Variants in SLC11A2 observed in about 807,000 individuals in gnomAD.
SLC11A2 encodes the protein solute carrier family 11 member 2, also known as natural resistance-associated macrophage protein 2.
A neutral mutation model predicts 68.0 loss-of-function variants in SLC11A2; 38 were observed. The ratio of observed to expected loss-of-function variants is 0.56; its 90% CI spans 0.43 to 0.73. The LOEUF (loss-of-function observed/expected upper bound fraction) is 0.73. SLC11A2 is among the 30% of genes least tolerant of loss of function. SLC11A2 has a pLI of 0.00. For synonymous variants in SLC11A2, 242 were observed against 250.6 expected, an observed-to-expected ratio of 0.97 and a Z score of 0.32; for missense variants, 517 against 690.5, an observed-to-expected ratio of 0.75 and a Z score of 2.82.
intron 2 of SLC11A2, among the ~76,000 whole-genome samples, chr12:51,008,858 A>G (rs1942968740): frequency 6.6e-6 from 1 of 151,838 alleles, no homozygotes; most frequent in African/African-American, 2.4e-5. Context: ...TAAAAAAGTT[A>G]TCTCCCTCCC....
chr12:50,961,014 A>G, the SLC11A2 span: 6 of 1,610,380 alleles, frequency 3.7e-6, no homozygotes, highest in South Asian at 4.4e-5. Flanking sequence ...TTTACAAGCT[A>G]AAGTACAGAA....
At chr12:50,981,779 G>A (rs749549333), downstream of SLC11A2, 1 of 1,533,760 alleles carries the variant, frequency 6.5e-7, no homozygotes, top group South Asian at 1.2e-5. Flanking sequence ...TAGAGTTCAG[G>A]CTGAGCTGTC....
At chr12:51,010,817 G>A (rs1592407118) in intron 1 of SLC11A2, 51 bp from the exon 2 acceptor site, 1 of 999,174 alleles carries the variant, frequency 1.0e-6, no homozygotes, top group Non-Finnish European at 1.6e-6. Context: ...AAACTAACAA[G>A]TTCAGAACCA....
intron 1 of SLC11A2, among the ~76,000 whole-genome samples, chr12:51,019,985 G>A (rs1943928215): frequency 6.6e-6 from 1 of 152,050 alleles, no homozygotes; most frequent in Non-Finnish European, 1.5e-5. Context: ...TTCGAGGTGT[G>A]GGGAAAGAAA....
chr12:50,992,844 A>G lies in SLC11A2; in HGVS notation c.1163T>C (p.Met388Thr). 6.2e-7 allele frequency: 1 copy of G among 1,614,044 alleles called. No individual in the cohort carries two copies. The highest frequency in any genetic ancestry group is 8.5e-7 in the Non-Finnish European group (1 of 1,179,998). The change falls in exon 12 of 16, where the codon ATG becomes ACG. Residue 388 changes from methionine to threonine, a missense_variant. Transcript: ENST00000262052. ...AAACTGGCCAGAATAGGTTCCTGTC[A>G]TGGTGGAGCTCTGTCCTGCAGCCAG... Reference protein sequence around the residue: ...GILAAGQSSTMTGTYSGQFVM... With the variant: ...GILAAGQSSTTTGTYSGQFVM...
chr12:51,025,120 A>G (rs1014332270), intron 1 of SLC11A2, among the ~76,000 whole-genome samples: 40 of 152,228 alleles, frequency 2.6e-4, no homozygotes, highest in African/African-American at 8.0e-4. Flanking sequence ...CTCTAGTCAC[A>G]TATAACTACA....
intron 1 of SLC11A2, among the ~76,000 whole-genome samples, chr12:51,015,605 T>C (rs1270786247): frequency 6.6e-6 from 1 of 152,134 alleles, no homozygotes; most frequent in Admixed American, 6.5e-5. Context: ...TAAGTTAATA[T>C]TAAGACAGTT....
Position 50,994,585 on chromosome 12 carries a change from G to A in SLC11A2, c.1036C>T (p.Pro346Ser). The change falls in exon 11 of 16, where the codon CCT (proline) becomes TCT (serine). Residue 346 changes from proline (P) to serine (S), a missense_variant. Coordinates refer to ENST00000262052, the MANE Select transcript of SLC11A2 (RefSeq NM_000617.3). ...ACAGCCAGTGTCGAGTTATCTTTAG[G>A]AAAGAGGCCAGCATGAGGACTGCTG... The part of the protein sequence containing the change: ...NTSSPHAGLF[P>S]KDNSTLAVDI... 1.2e-6 allele frequency: 2 copies of A among 1,613,268 alleles called. No homozygotes were observed. The highest frequency in any genetic ancestry group is 1.7e-6 in the Non-Finnish European group (2 of 1,179,224).
At chr12:51,020,214 C>T (rs973842646) in intron 1 of SLC11A2, among the ~76,000 whole-genome samples, 1 of 151,320 alleles carries the variant, frequency 6.6e-6, no homozygotes, top group Non-Finnish European at 1.5e-5. Flanking sequence ...GCACGTACCA[C>T]CACAGCTGGC....
chr12:51,016,263 G>A (rs1304335514), intron 1 of SLC11A2, among the ~76,000 whole-genome samples: 1 of 151,952 alleles, frequency 6.6e-6, no homozygotes, highest in Non-Finnish European at 1.5e-5. Flanking sequence ...TAGCTAGGTG[G>A]AGGCCGGACA....
chr12:50,987,265 A>G lies in SLC11A2; in HGVS notation c.*1060T>C. 1.6e-6 allele frequency: 2 copies of G among 1,287,224 alleles called. No individual in the cohort carries two copies. The highest frequency in any genetic ancestry group is 3.0e-5 in the African/African-American group (2 of 65,926). 79.7% of individuals were successfully genotyped at this position (1,287,224 alleles called of 1,614,324 possible). A position where few individuals can be genotyped will look rare whatever the true frequency, so the allele number is the denominator to read the frequency against. ...TACTAACACCTACTGACTTGCAGAG[A>G]ACGCTGAGAAAGACAGTGTGCTTTG... On this transcript the variant is annotated 3_prime_UTR_variant, in exon 16 of 16. Transcript: ENST00000262052.
At chr12:50,963,647 T>C in the SLC11A2 span, among the ~76,000 whole-genome samples, 1 of 152,194 alleles carries the variant, frequency 6.6e-6, no homozygotes, top group African/African-American at 2.4e-5. Context: ...TCATGATTGC[T>C]GAACCCTGCC....
the SLC11A2 span, among the ~76,000 whole-genome samples, chr12:50,969,570 G>A: frequency 0.071 from 10,771 of 151,856 alleles, 725 homozygotes; most frequent in East Asian, 0.28. Context: ...CATGGTGGTG[G>A]TGCCTGTAAT....
At chr12:51,018,690 C>A (rs963535549) in intron 1 of SLC11A2, among the ~76,000 whole-genome samples, 4 of 151,490 alleles carry the variant, frequency 2.6e-5, no homozygotes, top group African/African-American at 9.7e-5. Flanking sequence ...ACTGCTTGAG[C>A]CTGGGAGGTT....
chr12:50,970,480 C>G, the SLC11A2 span: 2 of 1,534,124 alleles, frequency 1.3e-6, no homozygotes, highest in Non-Finnish European at 1.8e-6. Context: ...CATTAGACCA[C>G]GATTCTTCAG....
Position 50,998,837 on chromosome 12 carries a change from C to T in SLC11A2, c.675+337G>A, listed in dbSNP as rs1941961385. The stretch of plus-strand genomic sequence containing the variant: ...CAAAAGCAGAACTCCTGTAAGTTAA[C>T]ACCCAAGAATAACCCTGCAACCCCC... On this transcript the variant is annotated intron_variant, in intron 8 of 15. Transcript: ENST00000262052. Among the ~76,000 whole-genome samples the T allele has an allele frequency of 2.6e-5, 4 of 152,166 alleles. No individual in the cohort carries two copies. In the South Asian group the frequency reaches 6.2e-4, roughly 24 times the overall value.
At chr12:51,026,507 C>CGTGG, upstream of SLC11A2, 2 of 493,740 alleles carry the variant, frequency 4.1e-6, no homozygotes, top group Non-Finnish European at 6.6e-6. Context: ...GCTCCGCCCA[C>CGTGG]GCGGAGTCTG....
chr12:50,996,812 C>T lies in SLC11A2; in HGVS notation c.831+5G>A, dbSNP rs1565998780. ...GGAGGTGAAGGAGATAAGGGCCTTG[C>T]TCACCTTGACTAAGGCAGAATGCAG... On this transcript the variant is annotated splice_donor_5th_base_variant and intron_variant, in intron 9 of 15. Transcript: ENST00000262052. The T allele has an allele frequency of 3.1e-6, 5 of 1,613,760 alleles. No homozygotes were observed. Among genetic ancestry groups the T allele is most frequent in the Non-Finnish European group, 3.4e-6 (4 of 1,179,728 alleles).
At chr12:51,009,168 T>A (rs1307089215) in intron 2 of SLC11A2, 3 of 1,495,990 alleles carry the variant, frequency 2.0e-6, no homozygotes, top group Non-Finnish European at 2.7e-6. Flanking sequence ...TCAAAAAATG[T>A]GCAAGTTACA....
Sources: allele counts gnomAD v4.1 joint callset (sites outside exome capture counted in the v4.1 genomes callset), GRCh38; gene constraint gnomAD v4.1.1; transcripts MANE v1.5; gene names NCBI Gene and HGNC (gene_info 2026-07-23, HGNC 2026-07-21).